The following FAM107B variants were observed in gnomAD, a reference collection of about 807,000 sequenced individuals.
FAM107B encodes protein FAM107B.
A neutral mutation model predicts 31.5 loss-of-function variants in FAM107B; 21 were observed. The ratio of observed to expected loss-of-function variants is 0.67; its 90% confidence interval spans 0.47 to 0.96. FAM107B has a LOEUF of 0.96. Among genes scored for constraint, FAM107B ranks in the 40% least tolerant of loss-of-function variants. The probability of loss-of-function intolerance (pLI) is 0.00; values close to 1 mark genes in which losing one functional copy is unlikely to be tolerated. For synonymous variants in FAM107B, 157 were observed against 141.5 expected (o/e 1.11, Z -0.78); for missense variants, 452 against 377.1 (o/e 1.20, Z -1.64).
rs768326659 is a variant in FAM107B, at chr10:14,521,014, G to A, written c.*176C>T. 20 of 578,334 alleles carry A rather than the reference G, an allele frequency of 3.5e-5. No homozygotes were observed. Among genetic ancestry groups the A allele is most frequent in the Admixed American group, 1.0e-4 (3 of 30,014 alleles). 35.8% of individuals were successfully genotyped at this position (578,334 alleles called of 1,614,324 possible). A position where few individuals can be genotyped will look rare whatever the true frequency, so the allele number is the denominator to read the frequency against. On this transcript the variant is annotated 3_prime_UTR_variant, in exon 5 of 5. Transcript: ENST00000181796. Reference sequence around the variant, plus strand: ...GCCCTTCATTTGGCGAATAGGAACTGCAACTGTCACAGGCAAGGCATCCAC... The same window carrying A: ...GCCCTTCATTTGGCGAATAGGAACTACAACTGTCACAGGCAAGGCATCCAC...
In FAM107B at chr10:14,521,261, G is replaced by T. The variant is rs1351439567; in HGVS notation, c.850C>A (p.Pro284Thr). ...TTGCCTTTCACCTTCACAAACTCGG[G>T]GGCATTTTCTTGCTCTTCTTGCAAT... ...QKLQEEQENA[P>T]EFVKVKGNLR... The change falls in exon 5 of 5, where the codon CCC becomes ACC. Residue 284 changes from proline to threonine, a missense_variant. Physicochemically the swap from Pro to Thr is conservative, Grantham distance 38. Transcript: ENST00000181796. 7 of 1,614,074 alleles carry T rather than the reference G, an allele frequency of 4.3e-6. No homozygotes were observed. The highest frequency in any genetic ancestry group is 5.9e-6 in the Non-Finnish European group (7 of 1,180,008).
chr10:14,610,758 G>T (rs1852705465), intron 2 of FAM107B, among the ~76,000 whole-genome samples: 1 of 152,214 alleles, frequency 6.6e-6, no homozygotes, highest in Non-Finnish European at 1.5e-5. Flanking sequence ...CAACAGTAAA[G>T]ATGAGTATTG....
chr10:14,748,658 C>T (rs889940383), intron 1 of FAM107B, among the ~76,000 whole-genome samples: 1 of 152,252 alleles, frequency 6.6e-6, no homozygotes, highest in African/African-American at 2.4e-5. Context: ...GAGGACCAGG[C>T]TGCAGCCTCT....
chr10:14,562,265 C>T (rs11259188), intron 2 of FAM107B, among the ~76,000 whole-genome samples: 17,595 of 152,180 alleles, frequency 0.12, 1,120 homozygotes, highest in Non-Finnish European at 0.15. Flanking sequence ...TTAGAATATG[C>T]AATTAAGTAG....
At chr10:14,756,888 T>C (rs1414040277) in intron 1 of FAM107B, among the ~76,000 whole-genome samples, 1 of 152,204 alleles carries the variant, frequency 6.6e-6, no homozygotes, top group Non-Finnish European at 1.5e-5. Flanking sequence ...GAGGCCATCA[T>C]TCTTAGCAAA....
At chr10:14,702,496 AC>A (rs1855424258) in intron 1 of FAM107B, among the ~76,000 whole-genome samples, 1 of 152,064 alleles carries the variant, frequency 6.6e-6, no homozygotes, top group Non-Finnish European at 1.5e-5. Flanking sequence ...ACAGGCACAC[AC>A]CACAACACCC....
At chr10:14,605,346 G>C (rs1193024087) in intron 2 of FAM107B, among the ~76,000 whole-genome samples, 1 of 150,648 alleles carries the variant, frequency 6.6e-6, no homozygotes, top group South Asian at 2.1e-4. Context: ...ATCACAGCAG[G>C]TACAAAATCA....
At position 14,774,252 on chromosome 10, in the gene FAM107B, C is replaced by T. The variant is rs748689730; in HGVS notation, c.411+1G>A. 2.5e-6 allele frequency: 4 copies of T among 1,605,942 alleles called. No homozygotes were observed. Among genetic ancestry groups the T allele is most frequent in the Non-Finnish European group, 3.4e-6 (4 of 1,174,746 alleles). ...TAATCGCAGAGCGAACACTCACTCA[C>T]CTTGGGCGTGTCAATAATTGATGGT... On this transcript the variant is annotated splice_donor_variant, in intron 1 of 4. Coordinates refer to ENST00000181796, the MANE Select transcript of FAM107B (RefSeq NM_031453.4). LOFTEE classifies it high-confidence loss of function.
intron 2 of FAM107B, among the ~76,000 whole-genome samples, chr10:14,648,602 C>T (rs1203610604): frequency 6.6e-6 from 1 of 152,204 alleles, no homozygotes; most frequent in Admixed American, 6.5e-5. Flanking sequence ...AGTGAATGGG[C>T]ATCTTGTGTT....
intron 2 of FAM107B, among the ~76,000 whole-genome samples, chr10:14,557,113 T>G (rs1849773778): frequency 6.6e-6 from 1 of 152,220 alleles, no homozygotes; most frequent in African/African-American, 2.4e-5. Flanking sequence ...CAACATCACC[T>G]TCTCGGATCA....
chr10:14,677,360 T>G (rs540621696), intron 1 of FAM107B, among the ~76,000 whole-genome samples: 10 of 152,182 alleles, frequency 6.6e-5, no homozygotes, highest in South Asian at 2.1e-4. Flanking sequence ...GGTGGCTCAA[T>G]CCTGTAATCC....
At chr10:14,692,250 C>G (rs966612135) in intron 1 of FAM107B, among the ~76,000 whole-genome samples, 1 of 152,106 alleles carries the variant, frequency 6.6e-6, no homozygotes, top group Non-Finnish European at 1.5e-5. Context: ...AAGGCGTACC[C>G]CTGGGGCACA....
intron 3 of FAM107B, 133 bp from the exon 4 acceptor site, chr10:14,522,152 G>T: frequency 8.8e-7 from 1 of 1,139,582 alleles, no homozygotes; most frequent in Non-Finnish European, 1.2e-6. Context: ...CTAGGCTACA[G>T]CAGGCAACAT....
At chr10:14,639,087 G>C (rs1853570002) in intron 2 of FAM107B, among the ~76,000 whole-genome samples, 1 of 152,060 alleles carries the variant, frequency 6.6e-6, no homozygotes, top group Admixed American at 6.6e-5. Flanking sequence ...CAAGCTATTT[G>C]GGGGGTTGAG....
At chr10:14,539,217 G>A (rs558197685) in intron 2 of FAM107B, among the ~76,000 whole-genome samples, 10 of 152,352 alleles carry the variant, frequency 6.6e-5, no homozygotes, top group African/African-American at 2.2e-4. Context: ...GGACAGGGAA[G>A]GGAGAAAGTG....
At chr10:14,756,841 C>T (rs183425933) in intron 1 of FAM107B, among the ~76,000 whole-genome samples, 44 of 152,138 alleles carry the variant, frequency 2.9e-4, no homozygotes, top group Admixed American at 2.0e-3. Context: ...TAAAAAGAAA[C>T]GAGATCATGT....
At chr10:14,658,348 A>G (rs1445981111) in intron 2 of FAM107B, among the ~76,000 whole-genome samples, 1 of 152,232 alleles carries the variant, frequency 6.6e-6, no homozygotes, top group African/African-American at 2.4e-5. Flanking sequence ...AGGGAACAGA[A>G]AGAAAGTAAA....
At chr10:14,601,452 T>C (rs17258441) in intron 2 of FAM107B, among the ~76,000 whole-genome samples, 46,836 of 151,914 alleles carry the variant, frequency 0.31, 8,498 homozygotes, top group Non-Finnish European at 0.4. Flanking sequence ...AAAGCAAAAA[T>C]AGGCCATGAT....
chr10:14,522,078 A>C, intron 3 of FAM107B, 59 bp from the exon 4 acceptor site: 1 of 1,565,848 alleles, frequency 6.4e-7, no homozygotes, highest in Non-Finnish European at 8.6e-7. Context: ...ATTTTTTATG[A>C]ACAGAAATTT....
Sources: gnomAD v4.1 joint callset for allele counts (sites outside exome capture counted in the v4.1 genomes callset) on GRCh38, gnomAD v4.1.1 for gene constraint, MANE v1.5 for transcripts, NCBI Gene and HGNC (gene_info 2026-07-23, HGNC 2026-07-21) for gene names.